The following FANCL variants were observed in gnomAD, a reference collection of about 807,000 sequenced individuals.
FANCL encodes the protein FA complementation group L.
Under a neutral mutation model 59.4 loss-of-function variants are expected in FANCL, and 69 were observed. The ratio of observed to expected loss-of-function variants is 1.16; its 90% CI spans 0.96 to 1.42. The LOEUF (loss-of-function observed/expected upper bound fraction) is 1.42. Ranked by LOEUF, FANCL falls within the 40% of genes most tolerant of loss-of-function variation. FANCL has a pLI of 0.00. For synonymous variants in FANCL, 180 were observed against 147.1 expected (o/e 1.22, Z -1.62); for missense variants, 519 against 447.2 (o/e 1.16, Z -1.45).
intron 7 of FANCL, among the ~76,000 whole-genome samples, chr2:58,193,445 A>G (rs1221831393): frequency 6.6e-6 from 1 of 152,120 alleles, no homozygotes; most frequent in African/African-American, 2.4e-5. Flanking sequence ...CGAGAAAGAA[A>G]AATAAAAGAA....
intron 5 of FANCL, among the ~76,000 whole-genome samples, chr2:58,215,677 C>T (rs1691640740): frequency 1.3e-5 from 2 of 150,590 alleles, no homozygotes; most frequent in African/African-American, 2.5e-5. Context: ...GGGCAAAGAG[C>T]CCAGATTGAG....
At chr2:58,232,712 G>T (rs887412068) in intron 1 of FANCL, among the ~76,000 whole-genome samples, 2 of 151,854 alleles carry the variant, frequency 1.3e-5, no homozygotes, top group African/African-American at 4.8e-5. Flanking sequence ...TGAACAAACA[G>T]AATTTTACTC....
intron 4 of FANCL, among the ~76,000 whole-genome samples, chr2:58,225,889 G>A (rs1007580237): frequency 6.6e-6 from 1 of 151,966 alleles, no homozygotes; most frequent in African/African-American, 2.4e-5. Flanking sequence ...CTTATATAAG[G>A]CTTAAGAGAC....
intron 7 of FANCL, among the ~76,000 whole-genome samples, chr2:58,177,125 G>A (rs975069132): frequency 6.6e-6 from 1 of 152,156 alleles, no homozygotes; most frequent in African/African-American, 2.4e-5. Context: ...AAAAAGTCAG[G>A]AAACAACAGG....
chr2:58,199,866 A>G (rs778628106), intron 6 of FANCL, among the ~76,000 whole-genome samples: 6 of 152,028 alleles, frequency 3.9e-5, no homozygotes, highest in Admixed American at 1.3e-4. Flanking sequence ...TCAGCCTCTT[A>G]TTTTTCAGTA....
At position 58,215,774 on chromosome 2, in the gene FANCL, G is replaced by A. The variant is rs912286792; in HGVS notation, c.374+6168C>T. The stretch of plus-strand genomic sequence containing the variant: ...AGAGAGAAAAATAACAGACTGGAAA[G>A]GCCAGAATCTGGGGAAAGGTAGGCC... On this transcript the variant is annotated intron_variant, in intron 5 of 13. Coordinates refer to ENST00000233741, the MANE Select transcript of FANCL (RefSeq NM_018062.4). Among the ~76,000 whole-genome samples the A allele has an allele frequency of 2.0e-5, 3 of 151,100 alleles. No individual in the cohort carries two copies. The East Asian group carries it at 5.8e-4, about 29-fold the overall frequency.
chr2:58,191,042 T>C (rs1688872006), intron 7 of FANCL, among the ~76,000 whole-genome samples: 1 of 151,734 alleles, frequency 6.6e-6, no homozygotes, highest in Non-Finnish European at 1.5e-5. Flanking sequence ...TTTTCAGAAA[T>C]GAAGGTTTAA....
intron 7 of FANCL, among the ~76,000 whole-genome samples, chr2:58,191,764 T>C (rs550597735): frequency 1.1e-4 from 16 of 151,594 alleles, no homozygotes; most frequent in Non-Finnish European, 1.8e-4. Context: ...TTTGCCCATA[T>C]TAGCTCTCAC....
At chr2:58,226,695 G>T in intron 4 of FANCL, 33 bp downstream of exon 4, 3 of 1,514,278 alleles carry the variant, frequency 2.0e-6, no homozygotes, top group Non-Finnish European at 2.7e-6. Context: ...CTTGCAGTAT[G>T]GTAACAGTGT....
intron 2 of FANCL, among the ~76,000 whole-genome samples, chr2:58,230,305 T>C (rs1693452946): frequency 6.6e-6 from 1 of 152,078 alleles, no homozygotes; most frequent in Admixed American, 6.5e-5. Context: ...TACATTTTAT[T>C]TTTATTTTTT....
chr2:58,176,052 C>T (rs1340705295), intron 7 of FANCL, among the ~76,000 whole-genome samples: 2 of 151,978 alleles, frequency 1.3e-5, no homozygotes, highest in African/African-American at 2.4e-5. Context: ...GAACAAAATA[C>T]CTAGGAATCC....
chr2:58,203,907 A>T (rs1487963011), intron 6 of FANCL, among the ~76,000 whole-genome samples: 3 of 152,104 alleles, frequency 2.0e-5, no homozygotes, highest in Non-Finnish European at 2.9e-5. Context: ...ATTTGTTATA[A>T]AGTCTGTATT....
intron 12 of FANCL, 47 bp downstream of exon 12, chr2:58,161,475 A>G (rs891238089): frequency 8.9e-7 from 1 of 1,118,664 alleles, no homozygotes. Context: ...AATACTTCCT[A>G]TGTTGTGTTA....
intron 5 of FANCL, among the ~76,000 whole-genome samples, chr2:58,205,066 A>G (rs1690453010): frequency 6.6e-6 from 1 of 152,128 alleles, no homozygotes; most frequent in East Asian, 1.9e-4. Flanking sequence ...TCTCTTATAA[A>G]GATAAAAAGT....
chr2:58,170,536 A>G (rs942279418), intron 7 of FANCL, among the ~76,000 whole-genome samples: 2 of 152,000 alleles, frequency 1.3e-5, no homozygotes, highest in Non-Finnish European at 2.9e-5. Context: ...ATAAATGTAA[A>G]CGAGCTAAAT....
chr2:58,226,628 AG>A, intron 4 of FANCL, 99 bp downstream of exon 4: 1 of 875,590 alleles, frequency 1.1e-6, no homozygotes, highest in South Asian at 1.5e-5. Flanking sequence ...CTGAGAGTTA[AG>A]AAGACAAATT....
At chr2:58,171,981 G>A (rs1041181071) in intron 7 of FANCL, among the ~76,000 whole-genome samples, 3 of 152,206 alleles carry the variant, frequency 2.0e-5, no homozygotes, top group South Asian at 2.1e-4. Flanking sequence ...CTACGCCCAC[G>A]GAGCCTCCTT....
At position 58,240,391 on chromosome 2, in the gene FANCL, C is replaced by T. The variant is rs1694412910; in HGVS notation, c.96+827G>A. 2.6e-5 allele frequency among the ~76,000 whole-genome samples: 4 copies of T among 152,110 alleles called. No homozygotes were observed. The South Asian group carries it at 8.3e-4, about 32-fold the overall frequency. ...GAAAGGAAAAGTCTACACTCCTAAC[C>T]TAAGGTATCCTGGTGCAATGTAAAG... On this transcript the variant is annotated intron_variant, in intron 1 of 13. Coordinates refer to ENST00000233741, the MANE Select transcript of FANCL (RefSeq NM_018062.4).
chr2:58,160,892 C>T (rs987261691), intron 12 of FANCL, among the ~76,000 whole-genome samples: 8 of 151,916 alleles, frequency 5.3e-5, no homozygotes, highest in African/African-American at 1.9e-4. Context: ...AGGCAACATA[C>T]AATTGCAAGG....
Sources: gnomAD v4.1 joint callset for allele counts (sites outside exome capture counted in the v4.1 genomes callset) on GRCh38, gnomAD v4.1.1 for gene constraint, MANE v1.5 for transcripts, NCBI Gene and HGNC (gene_info 2026-07-23, HGNC 2026-07-21) for gene names.